Variants in TMEM132B observed in about 807,000 individuals in gnomAD.
The protein encoded by TMEM132B is transmembrane protein 132B.
TMEM132B carries 18 observed loss-of-function variants against 90.8 expected under a neutral mutation model. The ratio of observed to expected loss-of-function variants is 0.20; its 90% CI spans 0.14 to 0.29. TMEM132B has a LOEUF of 0.29. Among genes scored for constraint, TMEM132B ranks in the 10% least tolerant of loss-of-function variants. The pLI is 1.00. For missense variants in TMEM132B, 1,096 were observed against 1,326.8 expected (o/e 0.83, Z 2.70); for synonymous variants, 504 against 523.3 (o/e 0.96, Z 0.50).
At chr12:125,323,799 G>A (rs189169293) in intron 1 of TMEM132B, among the ~76,000 whole-genome samples, 1 of 152,306 alleles carries the variant, frequency 6.6e-6, no homozygotes, top group Non-Finnish European at 1.5e-5. Context: ...GATTACAGGC[G>A]TGAGCCACCG....
rs1887044313 is a variant in TMEM132B at position 125,655,747 on chromosome 12, A to G, written c.*1037A>G. ...GACCTACACAGAAAGGAAATTGCCT[A>G]GGCAATAGATGCAGATTACACTTTC... On this transcript the variant is annotated 3_prime_UTR_variant, in exon 9 of 9. Transcript: ENST00000682704. 6.6e-6 allele frequency: 1 copy of G among 152,206 alleles called. No individual in the cohort carries two copies. Among genetic ancestry groups the G allele is most frequent in the Non-Finnish European group, 1.5e-5 (1 of 68,034 alleles). 9.4% of individuals were successfully genotyped at this position (152,206 alleles called of 1,614,324 possible).
intron 1 of TMEM132B, among the ~76,000 whole-genome samples, chr12:125,298,370 C>T (rs543861098): frequency 0.011 from 1,191 of 112,558 alleles, 8 homozygotes; most frequent in Middle Eastern, 0.04. Flanking sequence ...TTGTAGGAAA[C>T]GTTCCTCAAG....
intron 2 of TMEM132B, among the ~76,000 whole-genome samples, chr12:125,385,566 AC>A (rs1878805335): frequency 6.6e-6 from 1 of 152,228 alleles, no homozygotes; most frequent in Non-Finnish European, 1.5e-5. Context: ...ATAGATGCTG[AC>A]AAAATTTGTG....
chr12:125,273,091 A>G (rs1319919839), intron 1 of TMEM132B, among the ~76,000 whole-genome samples: 1 of 152,246 alleles, frequency 6.6e-6, no homozygotes. Flanking sequence ...AAGGAATAAA[A>G]CCGTACAATG....
At chr12:125,397,117 A>G (rs1366603987) in intron 2 of TMEM132B, among the ~76,000 whole-genome samples, 1 of 151,856 alleles carries the variant, frequency 6.6e-6, no homozygotes, top group Non-Finnish European at 1.5e-5. Flanking sequence ...GACTACAGGC[A>G]CCCACCACCA....
At chr12:125,555,813 G>C (rs953272840) in intron 4 of TMEM132B, among the ~76,000 whole-genome samples, 33 of 152,154 alleles carry the variant, frequency 2.2e-4, no homozygotes, top group Non-Finnish European at 2.8e-4. Flanking sequence ...AAGTAAGACA[G>C]TTTCTCCGTT....
chr12:125,325,669 C>CG (rs1876542394), intron 1 of TMEM132B, among the ~76,000 whole-genome samples: 1 of 124,318 alleles, frequency 8.0e-6, no homozygotes, highest in African/African-American at 2.9e-5. Context: ...GCCTCCCACC[C>CG]TGTGTGTGTG....
chr12:125,341,809 C>T (rs1401224850), intron 1 of TMEM132B, among the ~76,000 whole-genome samples: 1 of 152,148 alleles, frequency 6.6e-6, no homozygotes, highest in Non-Finnish European at 1.5e-5. Context: ...GTTGAGAATC[C>T]TTGTCTTAGA....
chr12:125,574,672 G>A (rs1884890688), intron 4 of TMEM132B, among the ~76,000 whole-genome samples: 2 of 152,076 alleles, frequency 1.3e-5, no homozygotes, highest in Admixed American at 6.6e-5. Context: ...TAGAGTATGA[G>A]GCTGTTGCTC....
At chr12:125,271,010 G>A (rs1041292858) in intron 1 of TMEM132B, among the ~76,000 whole-genome samples, 5 of 151,922 alleles carry the variant, frequency 3.3e-5, no homozygotes, top group Admixed American at 3.3e-4. Flanking sequence ...GAGTGCAGGG[G>A]TGCAAGCCTA....
chr12:125,546,415 C>T (rs1399858771), intron 4 of TMEM132B, among the ~76,000 whole-genome samples: 1 of 152,192 alleles, frequency 6.6e-6, no homozygotes, highest in Non-Finnish European at 1.5e-5. Context: ...ATCTCCTCAC[C>T]TAGTGATCCA....
chr12:125,293,954 C>T (rs752530157), intron 1 of TMEM132B, among the ~76,000 whole-genome samples: 2 of 152,216 alleles, frequency 1.3e-5, no homozygotes, highest in Non-Finnish European at 2.9e-5. Context: ...ATACTTTCCT[C>T]CTGGAGCCCA....
At position 125,650,814 on chromosome 12, in the gene TMEM132B, C is replaced by T; in HGVS notation, c.1775C>T (p.Thr592Ile). 1.2e-6 allele frequency: 2 copies of T among 1,614,234 alleles called. No homozygotes were observed. Among genetic ancestry groups the T allele is most frequent in the South Asian group, 2.2e-5 (2 of 91,084 alleles). The change falls in exon 7 of 9, where the codon ACC becomes ATC. Residue 592 changes from threonine to isoleucine, a missense_variant. Transcript: ENST00000682704. ...VAESPDLGQLTYMLGPDWQFD... is the reference protein window; with the variant it reads ...VAESPDLGQLIYMLGPDWQFD... Reference sequence around the variant, plus strand: ...GAGTCACCTGACTTAGGGCAGCTGACCTACATGCTGGGCCCCGACTGGCAG... The same window carrying T: ...GAGTCACCTGACTTAGGGCAGCTGATCTACATGCTGGGCCCCGACTGGCAG...
At chr12:125,525,632 C>T (rs541934919) in intron 4 of TMEM132B, among the ~76,000 whole-genome samples, 1 of 152,200 alleles carries the variant, frequency 6.6e-6, no homozygotes, top group East Asian at 1.9e-4. Flanking sequence ...ATGACCCAAT[C>T]TCAGGTATTT....
intron 1 of TMEM132B, among the ~76,000 whole-genome samples, chr12:125,331,363 G>A (rs1876765876): frequency 6.6e-6 from 1 of 152,250 alleles, no homozygotes; most frequent in Non-Finnish European, 1.5e-5. Flanking sequence ...CTGCTGTTAA[G>A]GGTTTTTACC....
chr12:125,244,928 C>T (rs1230271799), intron 1 of TMEM132B, among the ~76,000 whole-genome samples: 1 of 152,154 alleles, frequency 6.6e-6, no homozygotes, highest in East Asian at 1.9e-4. Flanking sequence ...GAATTCACTT[C>T]CCTCTCTCGG....
rs192308590 is a variant in TMEM132B at position 125,561,976 on chromosome 12, G to A, written c.1294-21875G>A. On this transcript the variant is annotated intron_variant, in intron 4 of 8. Coordinates refer to ENST00000682704, the MANE Select transcript of TMEM132B (RefSeq NM_001366854.1). ...CAGGCATTGGCTTCTCTTCTCTAGC[G>A]ATCCTAGATAGTATCTTCTTCCAAT... is the stretch of plus-strand genomic sequence containing the variant. Among the ~76,000 whole-genome samples, 84 of 152,282 alleles carry A rather than the reference G, an allele frequency of 5.5e-4. No individual in the cohort carries two copies. In the East Asian group the frequency reaches 6.9e-3, roughly 13 times the overall value.
At chr12:125,614,895 T>C (rs1885949941) in intron 5 of TMEM132B, among the ~76,000 whole-genome samples, 1 of 152,302 alleles carries the variant, frequency 6.6e-6, no homozygotes, top group East Asian at 1.9e-4. Flanking sequence ...AGTTTCTGTT[T>C]ATCAAGAATA....
intron 3 of TMEM132B, among the ~76,000 whole-genome samples, chr12:125,501,298 T>C (rs1393112744): frequency 6.6e-6 from 1 of 152,274 alleles, no homozygotes; most frequent in Admixed American, 6.5e-5. Flanking sequence ...TTCCATACAA[T>C]ATTTGGGAAA....
Sources: allele counts gnomAD v4.1 joint callset (sites outside exome capture counted in the v4.1 genomes callset), GRCh38; gene constraint gnomAD v4.1.1; transcripts MANE v1.5; gene names NCBI Gene and HGNC (gene_info 2026-07-23, HGNC 2026-07-21).